The following ZBTB37 variants were observed in gnomAD, a reference collection of about 807,000 sequenced individuals.
The protein encoded by ZBTB37 is zinc finger and BTB domain-containing protein 37.
In ZBTB37, 15 loss-of-function variants were observed where a neutral mutation model predicts 37.7. The ratio of observed to expected loss-of-function variants is 0.40; its 90% confidence interval spans 0.27 to 0.61. ZBTB37 has a LOEUF of 0.61. ZBTB37 is among the 20% of genes least tolerant of loss of function. The pLI, the probability that ZBTB37 is intolerant of heterozygous loss-of-function variation, is 0.44. For synonymous variants in ZBTB37, 231 were observed against 220.6 expected, an observed-to-expected ratio of 1.05 and a Z score of -0.42; for missense variants, 514 against 641.9, an observed-to-expected ratio of 0.80 and a Z score of 2.15.
At chr1:173,895,371 G>A (rs1657005039) in exon 4 of ZBTB37, 2 of 152,162 alleles carry the variant, frequency 1.3e-5, no homozygotes, top group African/African-American at 4.8e-5. Flanking sequence ...CTGAAGTGCT[G>A]GGATTACAGG....
downstream of ZBTB37, chr1:173,888,116 T>G (rs1389757844): frequency 1.3e-5 from 2 of 152,196 alleles, no homozygotes; most frequent in Non-Finnish European, 2.9e-5. Flanking sequence ...TTAGAAGACA[T>G]AGACTGGTGC....
chr1:173,874,473 C>T (rs1030766994), intron 4 of ZBTB37, among the ~76,000 whole-genome samples: 1 of 151,820 alleles, frequency 6.6e-6, no homozygotes, highest in African/African-American at 2.4e-5. Flanking sequence ...GCCTCAGCCT[C>T]CCAAGTAGCT....
chr1:173,886,256 A>G (rs1656616683), exon 5 of ZBTB37: 1 of 1,379,308 alleles, frequency 7.3e-7, no homozygotes, highest in Non-Finnish European at 9.6e-7. Context: ...AGATGTTGCC[A>G]AACTGGAGGA....
chr1:173,877,976 A>G (rs1656077200), intron 4 of ZBTB37, among the ~76,000 whole-genome samples: 1 of 152,148 alleles, frequency 6.6e-6, no homozygotes, highest in Non-Finnish European at 1.5e-5. Flanking sequence ...ACTTGGCCTA[A>G]TTTTTCAAGT....
downstream of ZBTB37, chr1:173,889,783 A>G (rs1451650032): frequency 6.6e-6 from 1 of 152,242 alleles, no homozygotes; most frequent in Non-Finnish European, 1.5e-5. Flanking sequence ...AGAGGGTTAA[A>G]TCTAATCTCA....
intron 3 of ZBTB37, 41 bp from the exon 4 acceptor site, chr1:173,873,426 C>G (rs775651379): frequency 6.5e-7 from 1 of 1,530,322 alleles, no homozygotes; most frequent in Admixed American, 2.1e-5. Context: ...TTCTTTGATG[C>G]TGCTTTTGTA....
chr1:173,869,502 A>G (rs1655357947), intron 2 of ZBTB37, among the ~76,000 whole-genome samples: 1 of 152,224 alleles, frequency 6.6e-6, no homozygotes. Flanking sequence ...CCACCTCGGA[A>G]TTGCCAACTT....
rs1025431405 is a variant in ZBTB37, at chr1:173,868,815, A to T, written c.-225-110A>T. On this transcript the variant is annotated intron_variant, in intron 1 of 4. Transcript: ENST00000427304. ...ATCTTCTCCGAAGTTCCTCAGTGACATTTTGCCCTTTAGCCAGTTCCCCTC... is the reference window on the plus strand; with the variant it reads ...ATCTTCTCCGAAGTTCCTCAGTGACTTTTTGCCCTTTAGCCAGTTCCCCTC... 4.6e-5 allele frequency: 7 copies of T among 153,218 alleles called. No individual in the cohort carries two copies. In the East Asian group the frequency reaches 1.3e-3, roughly 29 times the overall value. The allele number at this position is 153,218 out of a possible 1,614,324, so 9.5% of individuals were successfully genotyped here. A position where few individuals can be genotyped will look rare whatever the true frequency, so the allele number is the denominator to read the frequency against.
downstream of ZBTB37, chr1:173,891,028 T>C (rs1656821150): frequency 6.6e-6 from 1 of 152,228 alleles, no homozygotes; most frequent in Non-Finnish European, 1.5e-5. Context: ...TTGCCAACTT[T>C]TTCTAGATCC....
exon 3 of ZBTB37, chr1:173,870,301 C>T (rs1655460340): frequency 1.2e-6 from 2 of 1,614,204 alleles, no homozygotes; most frequent in Non-Finnish European, 1.7e-6. Flanking sequence ...AAACCAGTTG[C>T]GCATGCAGGG....
At chr1:173,882,648 T>TTGCCCA (rs1656401369) in intron 4 of ZBTB37, among the ~76,000 whole-genome samples, 2 of 152,230 alleles carry the variant, frequency 1.3e-5, no homozygotes, top group South Asian at 4.1e-4. Flanking sequence ...CATGATGTCC[T>TTGCCCA]TGCCCATGCC....
At chr1:173,886,461 T>A in exon 5 of ZBTB37, 1 of 245,052 alleles carries the variant, frequency 4.1e-6, no homozygotes, top group South Asian at 5.8e-5. Context: ...GTTTGAACAC[T>A]GTACTTTGGT....
exon 4 of ZBTB37, chr1:173,902,502 C>T (rs1444488800): frequency 2.0e-5 from 3 of 152,142 alleles, no homozygotes; most frequent in Non-Finnish European, 4.4e-5. Context: ...GTAAAGATGC[C>T]TCGGGAAAGT....
chr1:173,877,674 T>G (rs1181877379), intron 4 of ZBTB37, among the ~76,000 whole-genome samples: 1 of 152,166 alleles, frequency 6.6e-6, no homozygotes, highest in Non-Finnish European at 1.5e-5. Flanking sequence ...TCCTCCCACC[T>G]TGGTCTCCCA....
At chr1:173,893,775 C>T (rs1656942508) in exon 4 of ZBTB37, 1 of 152,204 alleles carries the variant, frequency 6.6e-6, no homozygotes, top group African/African-American at 2.4e-5. Flanking sequence ...TAGATAACAT[C>T]CTCATTTTAG....
chr1:173,870,099 A>G lies in ZBTB37; in HGVS notation c.-29-98A>G, dbSNP rs547063796. Reference sequence around the variant, plus strand: ...GTATTTCTTTTATCTGGAGATTTTGAAACTTTACCAGATAACTATGTTTAA... The same window carrying G: ...GTATTTCTTTTATCTGGAGATTTTGGAACTTTACCAGATAACTATGTTTAA... On this transcript the variant is annotated intron_variant, in intron 2 of 4. Coordinates refer to ENST00000427304, the Ensembl canonical transcript of ZBTB37. 4,030 of 777,882 alleles carry G rather than the reference A, an allele frequency of 5.2e-3. 14 individuals carry two copies. The highest frequency in any genetic ancestry group is 6.7e-3 in the Non-Finnish European group (3,485 of 516,926). 48.2% of individuals were successfully genotyped at this position (777,882 alleles called of 1,614,324 possible).
chr1:173,900,975 GAGT>G, exon 4 of ZBTB37: 1 of 152,192 alleles, frequency 6.6e-6, no homozygotes, highest in Non-Finnish European at 1.5e-5. Flanking sequence ...TATGGGGAGA[GAGT>G]AGAGCAGAGT....
chr1:173,884,055 T>C (rs1157770920), intron 4 of ZBTB37, among the ~76,000 whole-genome samples: 1 of 152,228 alleles, frequency 6.6e-6, no homozygotes, highest in African/African-American at 2.4e-5. Context: ...ATATAATGAC[T>C]TCAGAAGTCA....
intron 3 of ZBTB37, among the ~76,000 whole-genome samples, chr1:173,872,862 C>T (rs1202832066): frequency 6.6e-6 from 1 of 151,938 alleles, no homozygotes; most frequent in Non-Finnish European, 1.5e-5. Context: ...CAAAAATTAG[C>T]TGAGCGTGGT....
Sources: allele counts gnomAD v4.1 joint callset (sites outside exome capture counted in the v4.1 genomes callset), GRCh38; gene constraint gnomAD v4.1.1; transcripts MANE v1.5; gene names NCBI Gene and HGNC (gene_info 2026-07-23, HGNC 2026-07-21).